The following COL24A1 variants were observed in gnomAD, a reference collection of about 807,000 sequenced individuals.
COL24A1 encodes the protein collagen alpha-1(XXIV) chain.
A neutral mutation model predicts 253.9 loss-of-function variants in COL24A1; 224 were observed. The observed-to-expected ratio is 0.88, with a 90% CI of 0.79 to 0.99. COL24A1 has a LOEUF of 0.99. Among genes scored for constraint, COL24A1 ranks in the 50% least tolerant of loss-of-function variants. The probability of loss-of-function intolerance (pLI) is 0.00; values close to 1 mark genes in which losing one functional copy is unlikely to be tolerated. For missense variants in COL24A1, 2,131 were observed against 2,068.5 expected (o/e 1.03, Z -0.59); for synonymous variants, 685 against 673.7 (o/e 1.02, Z -0.26).
Position 86,125,106 on chromosome 1 carries a change from C to A in COL24A1, c.1230G>T (p.Lys410Asn). The A allele has an allele frequency of 6.2e-7, 1 of 1,612,534 alleles. No homozygotes were observed. Among genetic ancestry groups the A allele is most frequent in the South Asian group, 1.1e-5 (1 of 91,010 alleles). The change falls in exon 3 of 60, where the codon AAG becomes AAT. Residue 410 changes from lysine (K) to asparagine (N), a missense_variant. Lys to Asn is a moderately conservative substitution (Grantham distance 94, BLOSUM62 0). Transcript: ENST00000370571. ...IKQDTITNLK[K>N]AITANLHTNE... ...TAGTGTGTAGATTTGCTGTGATAGC[C>A]TTCTTGAGATTAGTAATTGTATCTT...
rs774125436 is a variant in COL24A1 at position 85,987,624 on chromosome 1, G to A, written c.2341C>T (p.Gln781Ter). 6.2e-7 allele frequency: 1 copy of A among 1,610,368 alleles called. No individual in the cohort carries two copies. The highest frequency in any genetic ancestry group is 8.5e-7 in the Non-Finnish European group (1 of 1,177,852). ...ACCTTTGGTCCTTCAGGGCCGTTTTGTCCAGGAATCCCAATATCTCCTGGA... is the reference window on the plus strand; with the variant it reads ...ACCTTTGGTCCTTCAGGGCCGTTTTATCCAGGAATCCCAATATCTCCTGGA... ...GFPGDIGIPG[Q>*]NGPEGPKGLL... Residue 781 changes from glutamine (Q) to a stop codon, truncating the protein, a stop_gained, in exon 20 of 60, where the codon CAA (glutamine) becomes TAA (stop). Coordinates refer to ENST00000370571, the MANE Select transcript of COL24A1 (RefSeq NM_152890.7). LOFTEE classifies it high-confidence loss of function.
Position 86,100,319 on chromosome 1 carries a change from C to T in COL24A1, c.1600-7999G>A, listed in dbSNP as rs114290938. On this transcript the variant is annotated intron_variant, in intron 5 of 59. Transcript: ENST00000370571. ...AATTCTAGCATTCTTTATTTAGTAG[C>T]TCTTTCTATAATAAGAAACTTCCAT... 6.6e-3 allele frequency among the ~76,000 whole-genome samples: 1,004 copies of T among 152,230 alleles called. 15 individuals are homozygous for T. Among genetic ancestry groups the T allele is most frequent in the African/African-American group, 0.023 (975 of 41,538 alleles).
intron 5 of COL24A1, among the ~76,000 whole-genome samples, chr1:86,105,891 G>A (rs908983566): frequency 6.6e-6 from 1 of 152,072 alleles, no homozygotes; most frequent in Non-Finnish European, 1.5e-5. Flanking sequence ...ATGTGAAGTA[G>A]CCCCTGTGCA....
At chr1:86,027,848 T>C (rs1050618743) in intron 14 of COL24A1, among the ~76,000 whole-genome samples, 1 of 152,176 alleles carries the variant, frequency 6.6e-6, no homozygotes, top group Non-Finnish European at 1.5e-5. Flanking sequence ...TGCCAGACCA[T>C]GAAGGCAGCT....
intron 5 of COL24A1, among the ~76,000 whole-genome samples, chr1:86,101,915 G>T (rs115303709): frequency 0.012 from 1,779 of 152,034 alleles, 14 homozygotes; most frequent in Non-Finnish European, 0.02. Context: ...TTAGAAAGGA[G>T]TCCTTCCTCC....
intron 24 of COL24A1, among the ~76,000 whole-genome samples, chr1:85,919,629 A>T (rs6695598): frequency 0.99 from 151,545 of 152,350 alleles, 75,375 homozygotes; most frequent in Middle Eastern, 1. Context: ...GCAGTGGAGC[A>T]ATGATTGCAT....
rs534207979 is a variant in COL24A1 at position 86,130,102 on chromosome 1, A to T, written c.122-3888T>A. On this transcript the variant is annotated intron_variant, in intron 2 of 59. Transcript: ENST00000370571. ...TGAGTACTGCACCTTTCAGAATTAC[A>T]AAAAGACCTTCTATGTCTAGTTTAT... 2.6e-5 allele frequency among the ~76,000 whole-genome samples: 4 copies of T among 151,958 alleles called. No homozygotes were observed. In the South Asian group the frequency reaches 8.3e-4, roughly 31 times the overall value.
At chr1:85,969,549 G>A (rs1691921226) in intron 22 of COL24A1, among the ~76,000 whole-genome samples, 1 of 127,308 alleles carries the variant, frequency 7.9e-6, no homozygotes, top group Non-Finnish European at 1.6e-5. Context: ...AGGTTGCAGT[G>A]AGTCAAGATC....
intron 23 of COL24A1, among the ~76,000 whole-genome samples, chr1:85,964,633 A>G (rs1046776618): frequency 2.0e-5 from 3 of 152,186 alleles, no homozygotes; most frequent in Non-Finnish European, 4.4e-5. Flanking sequence ...GAAATCATAA[A>G]TGTTCCAAAA....
chr1:86,003,923 T>A (rs1160338685), intron 19 of COL24A1, among the ~76,000 whole-genome samples: 1 of 152,140 alleles, frequency 6.6e-6, no homozygotes, highest in East Asian at 1.9e-4. Flanking sequence ...AAAAACCAAG[T>A]AGACAAAATG....
rs1455410392 is a variant in COL24A1, at chr1:86,110,830, C to A, written c.1599+1737G>T. 1.3e-4 allele frequency among the ~76,000 whole-genome samples: 20 copies of A among 152,252 alleles called. No homozygotes were observed. In the South Asian group the frequency reaches 3.5e-3, roughly 27 times the overall value. On this transcript the variant is annotated intron_variant, in intron 5 of 59. Coordinates refer to ENST00000370571, the MANE Select transcript of COL24A1 (RefSeq NM_152890.7). ...CACCATGCCCGACCCCCGCCCCCCA[C>A]ACCCCATGGGCTGCCGCGCGGCCCA... is the stretch of plus-strand genomic sequence containing the variant.
intron 37 of COL24A1, among the ~76,000 whole-genome samples, chr1:85,863,062 G>C (rs1024960004): frequency 3.9e-5 from 6 of 152,080 alleles, no homozygotes; most frequent in Non-Finnish European, 8.8e-5. Context: ...CTAGATATTT[G>C]ATTATCTTTG....
intron 24 of COL24A1, among the ~76,000 whole-genome samples, chr1:85,926,645 C>T (rs555064122): frequency 1.3e-5 from 2 of 150,390 alleles, no homozygotes; most frequent in African/African-American, 4.9e-5. Flanking sequence ...GGGCGGGGAA[C>T]ATCACACACG....
chr1:86,063,655 G>C (rs1279189162), intron 8 of COL24A1, 60 bp downstream of exon 8: 1 of 1,207,776 alleles, frequency 8.3e-7, no homozygotes, highest in African/African-American at 1.6e-5. Flanking sequence ...TCTCTCAAAG[G>C]AGTTCTCTAA....
chr1:86,149,821 C>A (rs1187275161), intron 1 of COL24A1, among the ~76,000 whole-genome samples: 1 of 152,128 alleles, frequency 6.6e-6, no homozygotes, highest in East Asian at 1.9e-4. Context: ...GGGATTATGA[C>A]AAACCAGTTG....
chr1:85,921,940 C>T (rs4272649), intron 24 of COL24A1, among the ~76,000 whole-genome samples: 150,624 of 152,310 alleles, frequency 0.99, 74,501 homozygotes, highest in Middle Eastern at 1. Flanking sequence ...GATGAATGGC[C>T]AACTAGAATA....
chr1:86,131,814 A>G (rs1028811512), intron 2 of COL24A1, among the ~76,000 whole-genome samples: 1 of 152,132 alleles, frequency 6.6e-6, no homozygotes, highest in Non-Finnish European at 1.5e-5. Context: ...TAGTGCCGCA[A>G]TAAACATATG....
intron 59 of COL24A1, among the ~76,000 whole-genome samples, chr1:85,731,486 T>A (rs1663465116): frequency 6.6e-6 from 1 of 152,230 alleles, no homozygotes; most frequent in African/African-American, 2.4e-5. Context: ...AAGTTACTTG[T>A]CTAAAGTCAT....
chr1:85,816,655 T>C, intron 47 of COL24A1, 133 bp downstream of exon 47: 1 of 695,144 alleles, frequency 1.4e-6, no homozygotes, highest in South Asian at 1.8e-5. Context: ...AACTGCATAA[T>C]AGCTATTAGA....
Sources: gnomAD v4.1 joint callset for allele counts (sites outside exome capture counted in the v4.1 genomes callset) on GRCh38, gnomAD v4.1.1 for gene constraint, MANE v1.5 for transcripts, NCBI Gene and HGNC (gene_info 2026-07-23, HGNC 2026-07-21) for gene names.